Variants in HLCS observed in about 807,000 individuals in gnomAD.
HLCS encodes holocarboxylase synthetase.
A neutral mutation model predicts 75.0 loss-of-function variants in HLCS; 53 were observed. The ratio of observed to expected loss-of-function variants is 0.71; its 90% CI spans 0.57 to 0.89. The LOEUF (loss-of-function observed/expected upper bound fraction) is 0.89, where lower values mean the gene tolerates loss of function less well. Ranked by LOEUF, HLCS falls within the 40% of genes least tolerant of loss-of-function variation. The pLI is 0.00. For missense variants in HLCS, 966 were observed against 1,074.0 expected, an observed-to-expected ratio of 0.90 and a Z score of 1.41; for synonymous variants, 431 against 428.6, an observed-to-expected ratio of 1.01 and a Z score of -0.07.
intron 6 of HLCS, among the ~76,000 whole-genome samples, chr21:36,794,760 A>G (rs2060976243): frequency 6.6e-6 from 1 of 152,174 alleles, no homozygotes; most frequent in Non-Finnish European, 1.5e-5. Flanking sequence ...TGTTCTGCAC[A>G]TTTTGAAAGT....
At chr21:36,938,197 A>G (rs2066982040) in intron 3 of HLCS, among the ~76,000 whole-genome samples, 1 of 152,222 alleles carries the variant, frequency 6.6e-6, no homozygotes, top group African/African-American at 2.4e-5. Flanking sequence ...TATGCTTCCC[A>G]CTCAATCAGA....
chr21:36,935,808 G>T (rs2066853608), intron 4 of HLCS, among the ~76,000 whole-genome samples: 1 of 152,240 alleles, frequency 6.6e-6, no homozygotes, highest in Non-Finnish European at 1.5e-5. Context: ...GCAAGAAAAA[G>T]AAACTAGCAT....
intron 9 of HLCS, chr21:36,759,241 C>T: frequency 2.1e-6 from 1 of 470,508 alleles, no homozygotes. Context: ...ATCTTCTTGC[C>T]TGATTTGGAT....
chr21:36,960,693 G>A (rs984563217), intron 2 of HLCS, among the ~76,000 whole-genome samples: 2 of 152,304 alleles, frequency 1.3e-5, no homozygotes, highest in South Asian at 2.1e-4. Flanking sequence ...TGGGAATCCA[G>A]TAAACATGGC....
chr21:36,858,004 G>A (rs1430801088), intron 6 of HLCS, among the ~76,000 whole-genome samples: 2 of 152,034 alleles, frequency 1.3e-5, no homozygotes, highest in Non-Finnish European at 2.9e-5. Flanking sequence ...TGGCCAGGCT[G>A]GTCTTGAACT....
In HLCS at chr21:36,948,728, CAAAAA is replaced by C. The variant is rs58685577; in HGVS notation, c.331-9739_331-9735del. 9.8e-3 allele frequency among the ~76,000 whole-genome samples: 546 copies of C among 55,874 alleles called. 10 individuals carry two copies. Among genetic ancestry groups the C allele is most frequent in the African/African-American group, 0.044 (506 of 11,448 alleles). 36.7% of individuals were successfully genotyped at this position (55,874 alleles called of 152,430 possible). A position where few individuals can be genotyped will look rare whatever the true frequency, so the allele number is the denominator to read the frequency against. ...TGGATGACAGAATGAGACCCTGTCT[CAAAAA>C]AAAAAAAAAAAAAAAAAAAAAGACA... On this transcript the variant is annotated intron_variant, in intron 2 of 10. Transcript: ENST00000674895.
chr21:36,902,996 G>A (rs2065302026), intron 5 of HLCS, among the ~76,000 whole-genome samples: 3 of 152,100 alleles, frequency 2.0e-5, no homozygotes, highest in Admixed American at 2.0e-4. Context: ...TCCTGTTGGG[G>A]AGGAGAGTGA....
chr21:36,911,828 G>A lies in HLCS; in HGVS notation c.1621-14697C>T, dbSNP rs117258421. Among the ~76,000 whole-genome samples, 363 of 151,518 alleles carry A rather than the reference G, an allele frequency of 2.4e-3. 4 individuals carry two copies. In the East Asian group the frequency reaches 0.026, roughly 11 times the overall value. On this transcript the variant is annotated intron_variant, in intron 5 of 10. Coordinates refer to ENST00000674895, the MANE Select transcript of HLCS (RefSeq NM_001352514.2). ...TCTCACCTGTACTCCCAACACTTTG[G>A]GAGGGGCCGAGGTGGGTGGATCACC... is the stretch of plus-strand genomic sequence containing the variant.
chr21:36,764,240 C>G (rs972137695), intron 8 of HLCS, among the ~76,000 whole-genome samples: 4 of 152,092 alleles, frequency 2.6e-5, no homozygotes, highest in Non-Finnish European at 5.9e-5. Flanking sequence ...CTACTAACAA[C>G]ACAAAAACTA....
At chr21:36,954,044 G>A (rs1431186189) in intron 2 of HLCS, among the ~76,000 whole-genome samples, 7 of 152,162 alleles carry the variant, frequency 4.6e-5, no homozygotes, top group Non-Finnish European at 8.8e-5. Flanking sequence ...AGTGGCTGAT[G>A]CCTGTAATCC....
rs1005076133 is a variant in HLCS, at chr21:36,930,246, C to T, written c.1620+5G>A. The T allele has an allele frequency of 2.5e-6, 4 of 1,613,598 alleles. No individual in the cohort carries two copies. In the African/African-American group the frequency reaches 5.3e-5, roughly 22 times the overall value. On this transcript the variant is annotated splice_donor_5th_base_variant and intron_variant, in intron 5 of 10. Coordinates refer to ENST00000674895, the MANE Select transcript of HLCS (RefSeq NM_001352514.2). The stretch of plus-strand genomic sequence containing the variant: ...GCGCTCTGCCCAGCTGAGCCCACAA[C>T]TCACCTCCGCAGCTGACAGCAAGTA...
upstream of HLCS, chr21:36,968,740 A>G (rs1463918512): frequency 6.6e-6 from 1 of 152,172 alleles, no homozygotes; most frequent in East Asian, 1.9e-4. Flanking sequence ...TCACTGAACA[A>G]CCTTTCAGAT....
At chr21:36,875,699 G>A (rs982096222) in intron 6 of HLCS, among the ~76,000 whole-genome samples, 2 of 152,168 alleles carry the variant, frequency 1.3e-5, no homozygotes, top group East Asian at 1.9e-4. Context: ...TGCCTTGCTC[G>A]CCCTCCAATT....
intron 4 of HLCS, among the ~76,000 whole-genome samples, chr21:36,933,632 ACAAAGC>A: frequency 1.5e-5 from 2 of 131,404 alleles, no homozygotes; most frequent in Admixed American, 1.7e-4. Flanking sequence ...TCTCCGGTGG[ACAAAGC>A]CATGCCAGTA....
intron 5 of HLCS, among the ~76,000 whole-genome samples, chr21:36,911,020 C>A (rs1222569477): frequency 6.6e-6 from 1 of 152,216 alleles, no homozygotes; most frequent in African/African-American, 2.4e-5. Context: ...TAGGGACACC[C>A]TCGGGCCAAA....
intron 6 of HLCS, among the ~76,000 whole-genome samples, chr21:36,806,914 T>TG (rs1201814982): frequency 2.6e-5 from 4 of 152,138 alleles, no homozygotes; most frequent in East Asian, 1.9e-4. Flanking sequence ...AAGGCTTGCC[T>TG]GGGGGGGTGG....
intron 6 of HLCS, among the ~76,000 whole-genome samples, chr21:36,825,815 A>G (rs1444926999): frequency 1.3e-5 from 2 of 152,234 alleles, no homozygotes; most frequent in African/African-American, 2.4e-5. Context: ...AATTTCACGG[A>G]TAAAAGACAC....
intron 2 of HLCS, among the ~76,000 whole-genome samples, chr21:36,950,072 C>A (rs997627): frequency 0.56 from 84,919 of 151,444 alleles, 24,036 homozygotes; most frequent in East Asian, 0.64. Context: ...AGCCCATTAT[C>A]TTTTCCCATG....
At chr21:36,954,105 A>G (rs1028906605) in intron 2 of HLCS, among the ~76,000 whole-genome samples, 1 of 152,230 alleles carries the variant, frequency 6.6e-6, no homozygotes, top group African/African-American at 2.4e-5. Flanking sequence ...CAAGAGATCG[A>G]GACCATCCTA....
Sources: gnomAD v4.1 joint callset for allele counts (sites outside exome capture counted in the v4.1 genomes callset) on GRCh38, gnomAD v4.1.1 for gene constraint, MANE v1.5 for transcripts, NCBI Gene and HGNC (gene_info 2026-07-23, HGNC 2026-07-21) for gene names.